Variants in SAMD3 observed in about 807,000 individuals in gnomAD.
The protein encoded by SAMD3 is sterile alpha motif domain-containing protein 3.
A neutral mutation model predicts 58.5 loss-of-function variants in SAMD3; 63 were observed. The ratio of observed to expected loss-of-function variants is 1.08; its 90% confidence interval spans 0.88 to 1.33. The LOEUF (loss-of-function observed/expected upper bound fraction) is 1.33, where lower values mean the gene tolerates loss of function less well. SAMD3 is among the 40% of genes most tolerant of loss of function. The pLI is 0.00. For missense variants in SAMD3, 604 were observed against 608.4 expected (o/e 0.99, Z 0.08); for synonymous variants, 220 against 210.3 (o/e 1.05, Z -0.40).
intron 1 of SAMD3, among the ~76,000 whole-genome samples, chr6:130,357,665 G>T (rs899782290): frequency 6.6e-6 from 1 of 152,214 alleles, no homozygotes; most frequent in African/African-American, 2.4e-5. Flanking sequence ...TCCTTGGCAA[G>T]TTAAACTCTC....
intron 8 of SAMD3, among the ~76,000 whole-genome samples, chr6:130,169,956 C>T (rs936149605): frequency 1.3e-5 from 2 of 152,078 alleles, no homozygotes; most frequent in Non-Finnish European, 2.9e-5. Context: ...GAAAGGAACT[C>T]CACCTTTATT....
intron 2 of SAMD3, among the ~76,000 whole-genome samples, chr6:130,258,024 T>C (rs531049787): frequency 3.3e-5 from 5 of 152,294 alleles, no homozygotes; most frequent in East Asian, 1.9e-4. Flanking sequence ...TTGTACATCA[T>C]ATTGGAGTAG....
At chr6:130,356,990 C>T (rs1432490399) in intron 1 of SAMD3, among the ~76,000 whole-genome samples, 1 of 152,074 alleles carries the variant, frequency 6.6e-6, no homozygotes, top group African/African-American at 2.4e-5. Context: ...GGACTTTTAC[C>T]TTTGTATCTA....
intron 2 of SAMD3, among the ~76,000 whole-genome samples, chr6:130,308,364 TATTCTATTCTATTC>T (rs1562512779): frequency 1.8e-3 from 91 of 51,818 alleles, no homozygotes; most frequent in Non-Finnish European, 2.4e-3. Flanking sequence ...TATTCTATTC[TATTCTATTCTATTC>T]TATTCTATTC....
chr6:130,243,038 C>T (rs11154535), intron 2 of SAMD3, among the ~76,000 whole-genome samples: 38,399 of 152,010 alleles, frequency 0.25, 6,524 homozygotes, highest in African/African-American at 0.48. Flanking sequence ...TTTCACATCA[C>T]AGAGGCAAAG....
At chr6:130,339,758 A>G (rs973486954) in intron 1 of SAMD3, among the ~76,000 whole-genome samples, 4 of 152,180 alleles carry the variant, frequency 2.6e-5, no homozygotes, top group Admixed American at 6.5e-5. Flanking sequence ...TTCAGAAAAT[A>G]GGACTTGCAA....
chr6:130,179,810 CTTTTTTT>C (rs71028199), intron 7 of SAMD3, among the ~76,000 whole-genome samples: 1 of 116,250 alleles, frequency 8.6e-6, no homozygotes, highest in Admixed American at 1.0e-4. Context: ...TGTCCTTATT[CTTTTTTT>C]TTTTTTTTTT....
intron 2 of SAMD3, chr6:130,215,517 T>C: frequency 7.5e-7 from 1 of 1,331,342 alleles, no homozygotes; most frequent in South Asian, 2.3e-5. Flanking sequence ...AGCATCCCAT[T>C]TCTCAAATTT....
Position 130,264,423 on chromosome 6 carries a change from C to T in SAMD3, c.-187-41610G>A, listed in dbSNP as rs1774262214. 2.0e-5 allele frequency among the ~76,000 whole-genome samples: 3 copies of T among 152,220 alleles called. No homozygotes were observed. In the South Asian group the frequency reaches 6.2e-4, roughly 32 times the overall value. On this transcript the variant is annotated intron_variant, in intron 2 of 13. Coordinates refer to the SAMD3 transcript ENST00000368134. The stretch of plus-strand genomic sequence containing the variant: ...GCTTATCAATCAGTCAGCCCTTGTT[C>T]ATCCCCGAGTGGATGTGTGGTGGTA...
intron 2 of SAMD3, among the ~76,000 whole-genome samples, chr6:130,304,172 T>C (rs556765883): frequency 1.7e-3 from 261 of 152,288 alleles, no homozygotes; most frequent in African/African-American, 6.0e-3. Flanking sequence ...GTCAACATTG[T>C]TGAACAGTCC....
At chr6:130,234,703 A>G (rs550308506) in intron 2 of SAMD3, among the ~76,000 whole-genome samples, 1 of 152,298 alleles carries the variant, frequency 6.6e-6, no homozygotes, top group African/African-American at 2.4e-5. Flanking sequence ...TTCCTCCCCT[A>G]CAGATAGGAA....
intron 2 of SAMD3, among the ~76,000 whole-genome samples, chr6:130,277,976 C>T (rs1583041486): frequency 1.3e-5 from 2 of 152,122 alleles, no homozygotes; most frequent in South Asian, 2.1e-4. Context: ...GTAGGACTAA[C>T]AAAGTAGCCA....
chr6:130,244,868 T>C (rs547196654), intron 2 of SAMD3, among the ~76,000 whole-genome samples: 148 of 152,300 alleles, frequency 9.7e-4, no homozygotes, highest in Non-Finnish European at 1.8e-3. Context: ...AAGAAAGCCA[T>C]AGAATGATGC....
At chr6:130,329,628 C>A (rs895443802) in intron 1 of SAMD3, among the ~76,000 whole-genome samples, 7 of 152,066 alleles carry the variant, frequency 4.6e-5, no homozygotes, top group Non-Finnish European at 8.8e-5. Flanking sequence ...ATGTTTACTG[C>A]AGAACTATTT....
At chr6:130,187,404 A>G (rs1393094615) in intron 5 of SAMD3, among the ~76,000 whole-genome samples, 2 of 152,088 alleles carry the variant, frequency 1.3e-5, no homozygotes, top group East Asian at 3.9e-4. Flanking sequence ...GGATCCAAGG[A>G]GACAGATACT....
rs372931641 is a variant in SAMD3, at chr6:130,185,246, G to T, written c.384-623C>A. ...CAGGAGTTGCCTGGGGATGAGGGTG[G>T]ATAAAATGGGTAGTGATTATTTGTT... On this transcript the variant is annotated intron_variant, in intron 5 of 11. Coordinates refer to ENST00000439090, the MANE Select transcript of SAMD3 (RefSeq NM_001017373.4). 1.4e-4 allele frequency among the ~76,000 whole-genome samples: 22 copies of T among 152,268 alleles called. 1 individual carries two copies. The highest frequency in any genetic ancestry group is 2.6e-4 in the Admixed American group (4 of 15,300).
At chr6:130,277,623 C>T (rs969973215) in intron 2 of SAMD3, among the ~76,000 whole-genome samples, 1 of 152,104 alleles carries the variant, frequency 6.6e-6, no homozygotes, top group Non-Finnish European at 1.5e-5. Context: ...ACTTAGGTGT[C>T]ACTTCTTTCA....
At chr6:130,165,003 C>A (rs1415027072) in intron 8 of SAMD3, among the ~76,000 whole-genome samples, 2 of 152,088 alleles carry the variant, frequency 1.3e-5, no homozygotes, top group Non-Finnish European at 2.9e-5. Flanking sequence ...ACTGACAGAA[C>A]TGAAAGGCAA....
intron 2 of SAMD3, among the ~76,000 whole-genome samples, chr6:130,229,810 T>C (rs186553371): frequency 5.1e-4 from 78 of 152,206 alleles, no homozygotes; most frequent in Admixed American, 3.5e-3. Context: ...TCATGATGAG[T>C]AAATGAACCG....
Sources: allele counts gnomAD v4.1 joint callset (sites outside exome capture counted in the v4.1 genomes callset), GRCh38; gene constraint gnomAD v4.1.1; transcripts MANE v1.5; gene names NCBI Gene and HGNC (gene_info 2026-07-23, HGNC 2026-07-21).